The following FLT1 variants were observed in gnomAD, a reference collection of about 807,000 sequenced individuals.
The protein encoded by FLT1 is vascular endothelial growth factor receptor 1.
In FLT1, 49 loss-of-function variants were observed where a neutral mutation model predicts 156.3. That is an observed-to-expected ratio of 0.31 (90% CI 0.25 to 0.40). The LOEUF (loss-of-function observed/expected upper bound fraction) is 0.40, where lower values mean the gene tolerates loss of function less well. Among genes scored for constraint, FLT1 ranks in the 10% least tolerant of loss-of-function variants. FLT1 has a pLI of 1.00. For synonymous variants in FLT1, 594 were observed against 583.8 expected, an observed-to-expected ratio of 1.02 and a Z score of -0.25; for missense variants, 1,322 against 1,637.2, an observed-to-expected ratio of 0.81 and a Z score of 3.32.
At chr13:28,423,111 C>A (rs1329507920) in intron 10 of FLT1, among the ~76,000 whole-genome samples, 1 of 152,130 alleles carries the variant, frequency 6.6e-6, no homozygotes, top group African/African-American at 2.4e-5. Flanking sequence ...AAAATGCAGG[C>A]GGAACGTGAA....
intron 1 of FLT1, among the ~76,000 whole-genome samples, chr13:28,484,259 C>T (rs895644006): frequency 6.6e-6 from 1 of 152,178 alleles, no homozygotes; most frequent in African/African-American, 2.4e-5. Flanking sequence ...AAGCTGTGAG[C>T]TTTCTGGAAT....
chr13:28,448,242 C>A (rs141346702), intron 3 of FLT1, among the ~76,000 whole-genome samples: 78 of 152,320 alleles, frequency 5.1e-4, no homozygotes, highest in African/African-American at 1.8e-3. Context: ...GATGACCCAG[C>A]AATTCCACCC....
chr13:28,467,181 C>A, intron 2 of FLT1, 52 bp from the exon 3 acceptor site: 2 of 1,323,210 alleles, frequency 1.5e-6, no homozygotes, highest in South Asian at 2.3e-5. Context: ...GCCCTAGGCT[C>A]AGCACCAGTT....
At position 28,490,996 on chromosome 13, in the gene FLT1, A is replaced by G. The variant is rs1881440303; in HGVS notation, c.64+3784T>C. ...TTCTTATCCCCACCCACATACACAT[A>G]TCAGTTTAAAGCACTACAGAAGCTA... On this transcript the variant is annotated intron_variant, in intron 1 of 29. Transcript: ENST00000282397. Among the ~76,000 whole-genome samples, 2 of 152,206 alleles carry G rather than the reference A, an allele frequency of 1.3e-5. 1 individual carries two copies. Among genetic ancestry groups the G allele is most frequent in the Non-Finnish European group, 2.9e-5 (2 of 68,038 alleles).
chr13:28,342,329 T>C (rs17086587), intron 16 of FLT1, among the ~76,000 whole-genome samples: 2,058 of 152,306 alleles, frequency 0.014, 46 homozygotes, highest in African/African-American at 0.047. Flanking sequence ...CAAGCCTTGC[T>C]TTCTCGGAAG....
intron 17 of FLT1, among the ~76,000 whole-genome samples, chr13:28,337,037 C>A (rs546765701): frequency 6.6e-6 from 1 of 152,276 alleles, no homozygotes; most frequent in South Asian, 2.1e-4. Context: ...CGTGAGCCAC[C>A]ACACCCAGCC....
At chr13:28,340,258 A>G (rs370586223) in intron 16 of FLT1, among the ~76,000 whole-genome samples, 2 of 152,210 alleles carry the variant, frequency 1.3e-5, no homozygotes, top group Admixed American at 6.5e-5. Flanking sequence ...AGGAGTAAAT[A>G]TGGCATAAGA....
chr13:28,311,204 A>T (rs1870985879), intron 27 of FLT1, among the ~76,000 whole-genome samples: 1 of 152,070 alleles, frequency 6.6e-6, no homozygotes, highest in Admixed American at 6.5e-5. Context: ...TGATCCTCCC[A>T]CCTCAGTCTC....
chr13:28,308,651 G>A (rs1870853967), intron 28 of FLT1, among the ~76,000 whole-genome samples, 192 bp downstream of exon 28: 1 of 152,152 alleles, frequency 6.6e-6, no homozygotes, highest in Non-Finnish European at 1.5e-5. Context: ...GTGAGTGCAT[G>A]GAACTCTACT....
Position 28,350,694 on chromosome 13 carries a change from C to T in FLT1, c.2249-5143G>A, listed in dbSNP as rs575283128. 4.6e-5 allele frequency among the ~76,000 whole-genome samples: 7 copies of T among 152,176 alleles called. No individual in the cohort carries two copies. The East Asian group carries it at 9.7e-4, about 21-fold the overall frequency. Reference sequence around the variant, plus strand: ...ACACCCCAAGCAAAAGACCAGAGCACCTTGTCCCAGGGCCTGCCTTGACTT... The same window carrying T: ...ACACCCCAAGCAAAAGACCAGAGCATCTTGTCCCAGGGCCTGCCTTGACTT... On this transcript the variant is annotated intron_variant, in intron 15 of 29. Coordinates refer to ENST00000282397, the MANE Select transcript of FLT1 (RefSeq NM_002019.4).
At chr13:28,350,438 AG>A (rs1369618730) in intron 15 of FLT1, among the ~76,000 whole-genome samples, 9 of 152,066 alleles carry the variant, frequency 5.9e-5, no homozygotes, top group Admixed American at 5.9e-4. Flanking sequence ...TGAGTTCTGA[AG>A]GGGTGTGTAT....
At position 28,388,616 on chromosome 13, in the gene FLT1, T is replaced by G. The variant is rs1223021551; in HGVS notation, c.1969+1180A>C. The G allele has an allele frequency of 4.7e-6, 5 of 1,056,562 alleles. No homozygotes were observed. The Admixed American group carries it at 2.7e-4, about 57-fold the overall frequency. The allele number at this position is 1,056,562 out of a possible 1,614,324, so 65.4% of individuals were successfully genotyped here. On this transcript the variant is annotated intron_variant, in intron 13 of 29. Transcript: ENST00000282397. ...TCTTGATTTAAAACTGGTGTGTATT[T>G]TTTAAATTACTTTGAATTCTGCTTC...
intron 8 of FLT1, 28 bp downstream of exon 8, chr13:28,430,022 A>G: frequency 7.1e-7 from 1 of 1,402,468 alleles, no homozygotes. Flanking sequence ...TATGTCTTAA[A>G]CTGTTATGGA....
chr13:28,469,736 A>G (rs1395342028), intron 1 of FLT1, among the ~76,000 whole-genome samples: 3 of 152,156 alleles, frequency 2.0e-5, no homozygotes, highest in Admixed American at 6.5e-5. Context: ...GATATAAATT[A>G]ATATCTTTTA....
chr13:28,326,430 G>T (rs1339930994), intron 20 of FLT1, among the ~76,000 whole-genome samples: 1 of 151,742 alleles, frequency 6.6e-6, no homozygotes, highest in Non-Finnish European at 1.5e-5. Flanking sequence ...GACTTCTTCA[G>T]CTCAGAGAAG....
rs560183027 is a variant in FLT1 at position 28,357,317 on chromosome 13, C to T, written c.2248+237G>A. ...CCTTTCTTCTGGGAACGACTTCTCCCGCAGACACTGTGTTCGGATTTTGGG... is the reference window on the plus strand; with the variant it reads ...CCTTTCTTCTGGGAACGACTTCTCCTGCAGACACTGTGTTCGGATTTTGGG... On this transcript the variant is annotated intron_variant, in intron 15 of 29. Transcript: ENST00000282397. Among the ~76,000 whole-genome samples the T allele has an allele frequency of 9.9e-5, 15 of 152,230 alleles. No individual in the cohort carries two copies. The East Asian group carries it at 2.1e-3, about 22-fold the overall frequency.
chr13:28,489,334 C>T (rs189305531), intron 1 of FLT1, among the ~76,000 whole-genome samples: 16 of 152,282 alleles, frequency 1.1e-4, no homozygotes, highest in Admixed American at 5.9e-4. Context: ...CATTCATTTA[C>T]TCATTCGTTC....
chr13:28,388,635 C>T (rs2137456789), intron 13 of FLT1: 1 of 1,055,662 alleles, frequency 9.5e-7, no homozygotes, highest in East Asian at 5.3e-5. Context: ...ACTTTGAATT[C>T]TGCTTCTGTA....
At chr13:28,318,210 C>G (rs1264583430) in intron 24 of FLT1, among the ~76,000 whole-genome samples, 3 of 152,146 alleles carry the variant, frequency 2.0e-5, no homozygotes, top group African/African-American at 4.8e-5. Context: ...CTTTAATTCA[C>G]TTTCTTGCAA....
Sources: allele counts gnomAD v4.1 joint callset (sites outside exome capture counted in the v4.1 genomes callset), GRCh38; gene constraint gnomAD v4.1.1; transcripts MANE v1.5; gene names NCBI Gene and HGNC (gene_info 2026-07-23, HGNC 2026-07-21).